The following MBP variants were observed in gnomAD, a reference collection of about 807,000 sequenced individuals.
MBP encodes the protein myelin basic protein, also known as Golli-MBP.
In MBP, 16 loss-of-function variants were observed where a neutral mutation model predicts 35.8. The observed-to-expected ratio is 0.45, with a 90% CI of 0.30 to 0.68. MBP has a LOEUF of 0.68. Among genes scored for constraint, MBP ranks in the 30% least tolerant of loss-of-function variants. The pLI is 0.08. For synonymous variants in MBP, 143 were observed against 159.6 expected, an observed-to-expected ratio of 0.90 and a Z score of 0.78; for missense variants, 380 against 404.7, an observed-to-expected ratio of 0.94 and a Z score of 0.52.
At chr18:77,106,170 G>A (rs969799211) in intron 1 of MBP, among the ~76,000 whole-genome samples, 3 of 152,212 alleles carry the variant, frequency 2.0e-5, no homozygotes, top group Admixed American at 6.5e-5. Context: ...CCCAGGAACA[G>A]CTTTCCTTGA....
At chr18:77,104,659 T>G (rs149343818) in intron 2 of MBP, among the ~76,000 whole-genome samples, 1 of 152,320 alleles carries the variant, frequency 6.6e-6, no homozygotes, top group East Asian at 1.9e-4. Flanking sequence ...TGGTGTAAAT[T>G]TTCATGCTCT....
rs563663061 is a variant in MBP, at chr18:77,111,987, G to T, written c.-25-6701C>A. Among the ~76,000 whole-genome samples, 13 of 152,050 alleles carry T rather than the reference G, an allele frequency of 8.5e-5. No individual in the cohort carries two copies. The South Asian group carries it at 2.5e-3, about 29-fold the overall frequency. ...TCCTTGTCTCCTTTCTCTCTCCCCC[G>T]ACGTCCCTCCCTCCATTCCTCTTCC... is the stretch of plus-strand genomic sequence containing the variant. On this transcript the variant is annotated intron_variant, in intron 1 of 8. Transcript: ENST00000355994.
rs74804667 is a variant in MBP, at chr18:76,995,897, G to C, written c.577-5837C>G. On this transcript the variant is annotated intron_variant, in intron 4 of 8. Transcript: ENST00000355994. ...AAAGACACCATCAAGAGAAGAAAAA[G>C]ACAAGCTACAGACAGGGAGAAAATA... 4.0e-3 allele frequency among the ~76,000 whole-genome samples: 609 copies of C among 152,212 alleles called. 4 individuals are homozygous for C. The highest frequency in any genetic ancestry group is 0.013 in the African/African-American group (541 of 41,534).
intron 3 of MBP, among the ~76,000 whole-genome samples, chr18:77,019,549 C>A (rs1161157563): frequency 2.0e-5 from 3 of 152,190 alleles, no homozygotes; most frequent in African/African-American, 7.2e-5. Context: ...CAGGGCTCTG[C>A]AGACATCTCA....
At chr18:77,111,805 G>A (rs1029951151) in intron 1 of MBP, among the ~76,000 whole-genome samples, 1 of 152,198 alleles carries the variant, frequency 6.6e-6, no homozygotes, top group Non-Finnish European at 1.5e-5. Context: ...GCCTCAAGTC[G>A]GAGGGGCAGG....
intron 2 of MBP, among the ~76,000 whole-genome samples, chr18:77,093,732 AAC>A (rs1359794268): frequency 2.6e-5 from 4 of 152,300 alleles, no homozygotes; most frequent in Non-Finnish European, 4.4e-5. Flanking sequence ...CTGCATGTCA[AAC>A]ACAACATTCA....
chr18:76,997,505 T>C (rs1280397073), intron 4 of MBP, among the ~76,000 whole-genome samples: 18 of 152,228 alleles, frequency 1.2e-4, no homozygotes, highest in Admixed American at 1.2e-3. Context: ...GATCAGCCTC[T>C]GGTGAGCTTT....
intron 4 of MBP, among the ~76,000 whole-genome samples, chr18:76,992,286 G>A (rs1200720779): frequency 6.6e-6 from 1 of 152,170 alleles, no homozygotes; most frequent in Non-Finnish European, 1.5e-5. Context: ...CCCATAAGGA[G>A]TGCACAACCT....
At chr18:76,990,154 T>C (rs1969813745) in intron 4 of MBP, 94 bp from the exon 5 acceptor site, 3 of 728,802 alleles carry the variant, frequency 4.1e-6, no homozygotes, top group Admixed American at 2.9e-5. Flanking sequence ...CTTTGTAATC[T>C]GGATTTTTTT....
intron 7 of MBP, 144 bp from the exon 8 acceptor site, chr18:76,985,038 A>T: frequency 1.3e-6 from 2 of 1,493,800 alleles, no homozygotes; most frequent in Non-Finnish European, 1.8e-6. Context: ...ACGGGCCAGC[A>T]CCACGCTGAG....
intron 3 of MBP, among the ~76,000 whole-genome samples, chr18:77,034,612 A>G (rs761861254): frequency 6.6e-6 from 1 of 152,246 alleles, no homozygotes; most frequent in East Asian, 1.9e-4. Flanking sequence ...TCTGGGAGCC[A>G]GGGCTGCAGG....
At chr18:76,987,507 C>T (rs73495013) in intron 7 of MBP, 8 of 985,592 alleles carry the variant, frequency 8.1e-6, no homozygotes, top group Non-Finnish European at 9.6e-6. Context: ...TCCTCCCTCT[C>T]TTCCTTCCTC....
intron 1 of MBP, among the ~76,000 whole-genome samples, chr18:77,107,580 A>G (rs973679116): frequency 6.6e-6 from 1 of 152,222 alleles, no homozygotes; most frequent in Non-Finnish European, 1.5e-5. Context: ...TTTTTGGGCA[A>G]GGGGCTCTTG....
intron 3 of MBP, among the ~76,000 whole-genome samples, chr18:77,024,561 C>T (rs1972121545): frequency 6.6e-6 from 1 of 152,246 alleles, no homozygotes; most frequent in South Asian, 2.1e-4. Context: ...TCAGATGAAA[C>T]ATGGATGGCC....
intron 4 of MBP, chr18:77,003,667 G>A (rs1660651748): frequency 6.6e-6 from 1 of 152,186 alleles, no homozygotes; most frequent in South Asian, 2.1e-4. Flanking sequence ...TGCTTCTTCA[G>A]TATATTTTTT....
intron 7 of MBP, chr18:76,987,080 G>A (rs1203074038): frequency 1.2e-5 from 12 of 985,366 alleles, no homozygotes; most frequent in Non-Finnish European, 1.4e-5. Flanking sequence ...AGGGAGAGAT[G>A]CAGGGAGGAA....
At chr18:77,001,406 C>T (rs1046438726) in intron 4 of MBP, among the ~76,000 whole-genome samples, 1 of 152,232 alleles carries the variant, frequency 6.6e-6, no homozygotes, top group Admixed American at 6.5e-5. Context: ...CAGCAGTCCA[C>T]GGCAGCTAAT....
intron 2 of MBP, among the ~76,000 whole-genome samples, chr18:77,084,847 A>G (rs1255417053): frequency 6.6e-6 from 1 of 152,198 alleles, no homozygotes; most frequent in Non-Finnish European, 1.5e-5. Flanking sequence ...GTAACTGGAC[A>G]TACTTCTATT....
At chr18:76,983,665 T>C (rs1969350644) in intron 8 of MBP, 1 of 152,172 alleles carries the variant, frequency 6.6e-6, no homozygotes, top group Admixed American at 6.5e-5. Flanking sequence ...ATTAAAAGCT[T>C]CTCCTAAGAC....
Sources: gnomAD v4.1 joint callset for allele counts (sites outside exome capture counted in the v4.1 genomes callset) on GRCh38, gnomAD v4.1.1 for gene constraint, MANE v1.5 for transcripts, NCBI Gene and HGNC (gene_info 2026-07-23, HGNC 2026-07-21) for gene names.